The following ST6GALNAC3 variants were observed in gnomAD, a reference collection of about 807,000 sequenced individuals.
The protein encoded by ST6GALNAC3 is alpha-N-acetylgalactosaminide alpha-2,6-sialyltransferase 3.
ST6GALNAC3 carries 25 observed loss-of-function variants against 32.7 expected under a neutral mutation model. The ratio of observed to expected loss-of-function variants is 0.76; its 90% CI spans 0.56 to 1.07. The LOEUF (loss-of-function observed/expected upper bound fraction) is 1.07, where lower values mean the gene tolerates loss of function less well. Among genes scored for constraint, ST6GALNAC3 ranks in the 50% least tolerant of loss-of-function variants. The pLI is 0.00. For synonymous variants in ST6GALNAC3, 129 were observed against 133.1 expected (o/e 0.97, Z 0.21); for missense variants, 355 against 382.4 (o/e 0.93, Z 0.60).
At chr1:76,587,311 T>C (rs1646976428) in intron 3 of ST6GALNAC3, among the ~76,000 whole-genome samples, 1 of 152,186 alleles carries the variant, frequency 6.6e-6, no homozygotes, top group Non-Finnish European at 1.5e-5. Flanking sequence ...TCCTGGTCAG[T>C]ACACAGTGAG....
chr1:76,636,722 T>G (rs1282299883), downstream of ST6GALNAC3, among the ~76,000 whole-genome samples: 1 of 152,098 alleles, frequency 6.6e-6, no homozygotes, highest in Non-Finnish European at 1.5e-5. Context: ...TTTTGCATCC[T>G]AGAAGTTTTT....
chr1:76,548,782 C>A (rs1664446987), intron 3 of ST6GALNAC3, among the ~76,000 whole-genome samples: 1 of 152,172 alleles, frequency 6.6e-6, no homozygotes, highest in African/African-American at 2.4e-5. Flanking sequence ...CTCTCCTACC[C>A]CCCATTTACC....
intron 1 of ST6GALNAC3, among the ~76,000 whole-genome samples, chr1:76,103,690 C>T (rs1028691428): frequency 3.3e-5 from 5 of 152,138 alleles, no homozygotes; most frequent in African/African-American, 7.2e-5. Context: ...AGGGAAGAAT[C>T]CACCCCTTGC....
At chr1:76,312,502 A>G (rs150522347) in intron 1 of ST6GALNAC3, among the ~76,000 whole-genome samples, 1 of 152,306 alleles carries the variant, frequency 6.6e-6, no homozygotes, top group East Asian at 1.9e-4. Context: ...ACAGAATGGT[A>G]GAAAATTTTT....
chr1:76,145,139 C>T (rs1215203524), intron 1 of ST6GALNAC3, among the ~76,000 whole-genome samples: 2 of 152,226 alleles, frequency 1.3e-5, no homozygotes, highest in East Asian at 3.9e-4. Context: ...AACCCTCACA[C>T]TGTTATTACA....
chr1:76,309,649 T>C (rs183824738), intron 1 of ST6GALNAC3, among the ~76,000 whole-genome samples: 1 of 152,126 alleles, frequency 6.6e-6, no homozygotes, highest in African/African-American at 2.4e-5. Flanking sequence ...AGTGGTTTCA[T>C]ACTAGCAGTA....
In ST6GALNAC3 at chr1:76,233,212, G is replaced by T. The variant is rs1656468395; in HGVS notation, c.19-80593G>T. Among the ~76,000 whole-genome samples the T allele has an allele frequency of 2.0e-5, 3 of 151,962 alleles. No individual in the cohort carries two copies. The South Asian group carries it at 6.2e-4, about 32-fold the overall frequency. ...ACAACTATTATCATTAAAACCAGAG[G>T]CCAGTTTAGTTAGATTTGGTGGTAT... is the stretch of plus-strand genomic sequence containing the variant. On this transcript the variant is annotated intron_variant, in intron 1 of 4. Transcript: ENST00000328299.
chr1:76,324,836 T>G (rs1251887992), intron 2 of ST6GALNAC3, among the ~76,000 whole-genome samples: 1 of 152,224 alleles, frequency 6.6e-6, no homozygotes, highest in Non-Finnish European at 1.5e-5. Context: ...ATATGGTAAC[T>G]ATCTTCTCAA....
At chr1:76,187,592 A>C (rs867406048) in intron 1 of ST6GALNAC3, among the ~76,000 whole-genome samples, 2 of 152,222 alleles carry the variant, frequency 1.3e-5, no homozygotes, top group African/African-American at 4.8e-5. Context: ...ACTCTGGAGT[A>C]CTTTGCAATC....
intron 1 of ST6GALNAC3, among the ~76,000 whole-genome samples, chr1:76,121,514 A>G (rs1648868751): frequency 6.6e-6 from 1 of 152,186 alleles, no homozygotes. Context: ...CAGGAGATCA[A>G]GACCATCCTG....
At chr1:76,554,444 A>G (rs549041749) in intron 3 of ST6GALNAC3, among the ~76,000 whole-genome samples, 207 of 152,296 alleles carry the variant, frequency 1.4e-3, no homozygotes, top group African/African-American at 4.7e-3. Context: ...AACTGATGAA[A>G]TAACTAATGA....
intron 3 of ST6GALNAC3, among the ~76,000 whole-genome samples, chr1:76,548,682 C>T (rs566712673): frequency 6.6e-6 from 1 of 152,236 alleles, no homozygotes; most frequent in African/African-American, 2.4e-5. Context: ...AGCTTTCCAA[C>T]CTCTATAGTA....
intron 1 of ST6GALNAC3, among the ~76,000 whole-genome samples, chr1:76,246,307 G>T (rs1462492609): frequency 6.6e-6 from 1 of 151,992 alleles, no homozygotes; most frequent in East Asian, 1.9e-4. Context: ...GTGTGTCTTT[G>T]CACGTAAGAT....
chr1:76,131,086 G>A (rs1299937996), intron 1 of ST6GALNAC3, among the ~76,000 whole-genome samples: 2 of 152,216 alleles, frequency 1.3e-5, no homozygotes, highest in African/African-American at 2.4e-5. Flanking sequence ...AGATCCACCA[G>A]CTGCTGTGCT....
chr1:76,526,530 C>G (rs1027127828), intron 3 of ST6GALNAC3, among the ~76,000 whole-genome samples: 1 of 152,014 alleles, frequency 6.6e-6, no homozygotes, highest in African/African-American at 2.4e-5. Flanking sequence ...GATTTTTTAT[C>G]TTGTTGACTC....
At chr1:76,092,098 C>T (rs1251812) in intron 1 of ST6GALNAC3, among the ~76,000 whole-genome samples, 29,249 of 151,952 alleles carry the variant, frequency 0.19, 2,896 homozygotes, top group Admixed American at 0.2. Flanking sequence ...GTCATAAGAC[C>T]ATCCTATAGA....
At position 76,440,529 on chromosome 1, in the gene ST6GALNAC3, T is replaced by G. The variant is rs76777706; in HGVS notation, c.623+28112T>G. The stretch of plus-strand genomic sequence containing the variant: ...AAGGGCAAAATATCCACTGCAGGTG[T>G]ATCCTTTCCCTTTTCTAGAAAATAG... On this transcript the variant is annotated intron_variant, in intron 3 of 4. Transcript: ENST00000328299. Among the ~76,000 whole-genome samples the G allele has an allele frequency of 4.0e-3, 610 of 152,352 alleles. 5 individuals carry two copies. Among genetic ancestry groups the G allele is most frequent in the African/African-American group, 0.014 (586 of 41,582 alleles).
intron 3 of ST6GALNAC3, among the ~76,000 whole-genome samples, chr1:76,491,957 C>G (rs893647308): frequency 6.6e-6 from 1 of 152,154 alleles, no homozygotes; most frequent in East Asian, 1.9e-4. Context: ...CTCTGATAAC[C>G]GTGAAAGCTG....
chr1:76,129,660 G>A lies in ST6GALNAC3; in HGVS notation c.18+54776G>A, dbSNP rs948120161. Among the ~76,000 whole-genome samples, 12 of 152,180 alleles carry A rather than the reference G, an allele frequency of 7.9e-5. No individual in the cohort carries two copies. In the South Asian group the frequency reaches 2.3e-3, roughly 29 times the overall value. On this transcript the variant is annotated intron_variant, in intron 1 of 4. Transcript: ENST00000328299. ...GATTGTGTCCATTGTTTTGTGGCTT[G>A]TGCTATCAAAGAAGTGCCCTGATTT...
Sources: gnomAD v4.1 joint callset for allele counts (sites outside exome capture counted in the v4.1 genomes callset) on GRCh38, gnomAD v4.1.1 for gene constraint, MANE v1.5 for transcripts, NCBI Gene and HGNC (gene_info 2026-07-23, HGNC 2026-07-21) for gene names.